The following EFR3A variants were observed in gnomAD, a reference collection of about 807,000 sequenced individuals.
EFR3A encodes the protein EFR3 homolog A, also known as protein EFR3 homolog A.
In EFR3A, 76 loss-of-function variants were observed where a neutral mutation model predicts 104.4. That is an observed-to-expected ratio of 0.73 (90% CI 0.60 to 0.88). The LOEUF (loss-of-function observed/expected upper bound fraction) is 0.88. EFR3A is among the 40% of genes least tolerant of loss of function. The probability of loss-of-function intolerance (pLI) is 0.00; values close to 1 mark genes in which losing one functional copy is unlikely to be tolerated. For synonymous variants in EFR3A, 330 were observed against 330.0 expected (o/e 1.00, Z 0.00); for missense variants, 985 against 1,012.5 (o/e 0.97, Z 0.37).
chr8:131,925,654 AT>A (rs34129071), intron 1 of EFR3A, among the ~76,000 whole-genome samples: 6,216 of 150,520 alleles, frequency 0.041, 308 homozygotes, highest in East Asian at 0.12. Context: ...GAGGGAAGTA[AT>A]TTTTTTTTTA....
chr8:131,918,275 A>G (rs1318950653), intron 1 of EFR3A, among the ~76,000 whole-genome samples: 1 of 152,172 alleles, frequency 6.6e-6, no homozygotes, highest in East Asian at 1.9e-4. Context: ...TGACAGAGCA[A>G]GACTCTGTCT....
intron 22 of EFR3A, among the ~76,000 whole-genome samples, chr8:132,007,761 T>A (rs1822122136): frequency 6.6e-6 from 1 of 151,710 alleles, no homozygotes; most frequent in South Asian, 2.1e-4. Context: ...GGTATAAGAG[T>A]ACACAAAGAG....
At chr8:131,939,822 T>C (rs1818076986) in intron 1 of EFR3A, 1 of 152,206 alleles carries the variant, frequency 6.6e-6, no homozygotes, top group Non-Finnish European at 1.5e-5. Flanking sequence ...TATTTTTAGA[T>C]TATTTCAGTT....
At chr8:131,992,417 C>T (rs1012297567) in intron 18 of EFR3A, among the ~76,000 whole-genome samples, 1 of 152,252 alleles carries the variant, frequency 6.6e-6, no homozygotes, top group East Asian at 1.9e-4. Flanking sequence ...TACCTTCAGC[C>T]TTCATGCAGT....
chr8:131,914,690 A>ATAGGTAACTAT (rs1816666757), intron 1 of EFR3A, among the ~76,000 whole-genome samples: 1 of 151,972 alleles, frequency 6.6e-6, no homozygotes, highest in Admixed American at 6.6e-5. Flanking sequence ...AGGTTAGTTA[A>ATAGGTAACTAT]TAGGTAAACT....
intron 2 of EFR3A, 145 bp from the exon 3 acceptor site, chr8:131,944,600 C>A: frequency 1.3e-6 from 1 of 774,918 alleles, no homozygotes; most frequent in Non-Finnish European, 2.0e-6. Context: ...TGAATGTTAG[C>A]ACTAAGGAGG....
At chr8:131,962,343 C>G (rs930772932) in intron 8 of EFR3A, among the ~76,000 whole-genome samples, 46 of 148,384 alleles carry the variant, frequency 3.1e-4, no homozygotes, top group Non-Finnish European at 5.6e-4. Flanking sequence ...CACATAGGCT[C>G]AAAATAAAGG....
chr8:131,918,255 C>G (rs968487393), intron 1 of EFR3A, among the ~76,000 whole-genome samples: 2 of 152,148 alleles, frequency 1.3e-5, no homozygotes, highest in Non-Finnish European at 2.9e-5. Context: ...CCACTGCACT[C>G]CAGCCTGGGT....
At chr8:131,979,170 A>G (rs147118986) in intron 13 of EFR3A, among the ~76,000 whole-genome samples, 151 bp downstream of exon 13, 1 of 152,322 alleles carries the variant, frequency 6.6e-6, no homozygotes, top group African/African-American at 2.4e-5. Flanking sequence ...TTTAATCAAT[A>G]TGTTTTAAGA....
chr8:131,989,160 T>C (rs1821038293), intron 18 of EFR3A, among the ~76,000 whole-genome samples: 1 of 152,212 alleles, frequency 6.6e-6, no homozygotes, highest in Non-Finnish European at 1.5e-5. Flanking sequence ...ACTGATAGTT[T>C]AGAACCTATC....
At chr8:132,006,704 G>A (rs1405844994) in intron 22 of EFR3A, among the ~76,000 whole-genome samples, 1 of 151,840 alleles carries the variant, frequency 6.6e-6, no homozygotes, top group Non-Finnish European at 1.5e-5. Context: ...AATGAGACAA[G>A]GATATTTTAA....
At chr8:131,954,727 C>T (rs1818890955) in intron 6 of EFR3A, among the ~76,000 whole-genome samples, 2 of 151,170 alleles carry the variant, frequency 1.3e-5, no homozygotes, top group Admixed American at 1.3e-4. Flanking sequence ...ATTATCCTGA[C>T]TTTCCTGATT....
chr8:131,984,153 G>A lies in EFR3A; in HGVS notation c.1590G>A (p.Leu530=), dbSNP rs1401938566. The A allele has an allele frequency of 6.2e-7, 1 of 1,607,124 alleles. No individual in the cohort carries two copies. Among genetic ancestry groups the A allele is most frequent in the Non-Finnish European group, 8.5e-7 (1 of 1,177,396 alleles). The stretch of plus-strand genomic sequence containing the variant: ...TTTCTCCTCAGAATGGGCAACAGCT[G>A]TATCGGCACATATATTTGGGTTGTA... The part of the protein sequence containing the change: ...TSFMKKNGQQ[L]YRHIYLGCKE... Residue 530 remains leucine, a synonymous_variant, in exon 15 of 23, where the codon CTG becomes CTA. Transcript: ENST00000254624.
chr8:131,933,257 C>T (rs573530841), intron 1 of EFR3A, among the ~76,000 whole-genome samples: 122 of 152,236 alleles, frequency 8.0e-4, no homozygotes, highest in East Asian at 5.6e-3. Flanking sequence ...TGCCAAGACT[C>T]TTCCCCCTGA....
At chr8:131,977,487 C>A (rs1415633979) in intron 12 of EFR3A, among the ~76,000 whole-genome samples, 4 of 152,028 alleles carry the variant, frequency 2.6e-5, no homozygotes, top group Admixed American at 6.6e-5. Context: ...CAAATAATTG[C>A]TTCTGATTGG....
At chr8:131,977,783 T>C (rs566139804) in intron 12 of EFR3A, among the ~76,000 whole-genome samples, 63 of 152,174 alleles carry the variant, frequency 4.1e-4, no homozygotes, top group Non-Finnish European at 6.9e-4. Context: ...TAATTCTGTT[T>C]ATGGCGCTTG....
At chr8:131,928,077 A>T (rs973456171) in intron 1 of EFR3A, among the ~76,000 whole-genome samples, 4 of 152,150 alleles carry the variant, frequency 2.6e-5, no homozygotes, top group African/African-American at 9.7e-5. Flanking sequence ...TAGTTTGGGA[A>T]CTTCTTGAAG....
At chr8:131,968,601 C>T (rs1586623656) in intron 9 of EFR3A, among the ~76,000 whole-genome samples, 171 bp downstream of exon 9, 1 of 152,094 alleles carries the variant, frequency 6.6e-6, no homozygotes, top group Non-Finnish European at 1.5e-5. Flanking sequence ...GCTTCTTTAG[C>T]ACACAGTTAA....
At chr8:131,972,721 C>T (rs903168825) in intron 10 of EFR3A, among the ~76,000 whole-genome samples, 8 of 152,058 alleles carry the variant, frequency 5.3e-5, no homozygotes, top group African/African-American at 1.9e-4. Flanking sequence ...TACCTAATTT[C>T]TAACCTAATA....
Sources: gnomAD v4.1 joint callset for allele counts (sites outside exome capture counted in the v4.1 genomes callset) on GRCh38, gnomAD v4.1.1 for gene constraint, MANE v1.5 for transcripts, NCBI Gene and HGNC (gene_info 2026-07-23, HGNC 2026-07-21) for gene names.